Variants in THSD4 observed in about 807,000 individuals in gnomAD.
THSD4 encodes thrombospondin type-1 domain-containing protein 4.
A neutral mutation model predicts 119.0 loss-of-function variants in THSD4; 69 were observed. The ratio of observed to expected loss-of-function variants is 0.58; its 90% CI spans 0.48 to 0.71. The LOEUF (loss-of-function observed/expected upper bound fraction) is 0.71, where lower values mean the gene tolerates loss of function less well. THSD4 is among the 30% of genes least tolerant of loss of function. The probability of loss-of-function intolerance (pLI) is 0.00; values close to 1 mark genes in which losing one functional copy is unlikely to be tolerated. For missense variants in THSD4, 1,393 were observed against 1,391.1 expected, an observed-to-expected ratio of 1.00 and a Z score of -0.02; for synonymous variants, 524 against 540.4, an observed-to-expected ratio of 0.97 and a Z score of 0.42.
intron 3 of THSD4, among the ~76,000 whole-genome samples, chr15:71,199,254 G>A (rs980310111): frequency 3.3e-5 from 5 of 151,888 alleles, no homozygotes; most frequent in African/African-American, 7.3e-5. Context: ...TTCAGTTTCC[G>A]TCCCCTTCCT....
intron 1 of THSD4, among the ~76,000 whole-genome samples, chr15:71,126,561 C>T (rs1376881810): frequency 6.6e-6 from 1 of 152,206 alleles, no homozygotes; most frequent in Admixed American, 6.5e-5. Context: ...GAAAATCACT[C>T]ATCACACTGA....
chr15:71,112,115 C>T (rs765115529), upstream of THSD4: 5 of 1,613,302 alleles, frequency 3.1e-6, no homozygotes, highest in Non-Finnish European at 4.2e-6. Flanking sequence ...CAGCAGTGAG[C>T]CATTCATTCC....
At chr15:71,716,827 T>G (rs932128748) in intron 8 of THSD4, among the ~76,000 whole-genome samples, 5 of 152,178 alleles carry the variant, frequency 3.3e-5, no homozygotes, top group Admixed American at 6.5e-5. Flanking sequence ...TCATGTGTTC[T>G]GGTCACTCAC....
At chr15:71,480,342 T>C (rs569551223) in intron 7 of THSD4, among the ~76,000 whole-genome samples, 1 of 152,362 alleles carries the variant, frequency 6.6e-6, no homozygotes, top group East Asian at 1.9e-4. Flanking sequence ...CCCGCCACTT[T>C]TTTTGTTAAT....
At chr15:71,264,095 G>A (rs969436494) in intron 6 of THSD4, among the ~76,000 whole-genome samples, 1 of 152,230 alleles carries the variant, frequency 6.6e-6, no homozygotes, top group African/African-American at 2.4e-5. Flanking sequence ...CCATGGTGGG[G>A]CATGATGGGG....
At chr15:71,347,405 C>A (rs1022044476) in intron 6 of THSD4, among the ~76,000 whole-genome samples, 1 of 152,182 alleles carries the variant, frequency 6.6e-6, no homozygotes, top group Non-Finnish European at 1.5e-5. Flanking sequence ...TTGCCCTGGG[C>A]CACTGCCAGA....
At chr15:71,212,458 A>G (rs59186425) in intron 3 of THSD4, among the ~76,000 whole-genome samples, 3,552 of 152,338 alleles carry the variant, frequency 0.023, 150 homozygotes, top group African/African-American at 0.079. Context: ...GTATAGCTGT[A>G]TGTCTAATCC....
intron 7 of THSD4, among the ~76,000 whole-genome samples, chr15:71,469,455 T>A (rs1352159731): frequency 6.6e-6 from 1 of 152,164 alleles, no homozygotes; most frequent in East Asian, 1.9e-4. Context: ...AATGCGAGAA[T>A]GTCCGTGGCC....
At chr15:71,742,560 C>T (rs551441367) in intron 11 of THSD4, among the ~76,000 whole-genome samples, 15 of 152,290 alleles carry the variant, frequency 9.8e-5, no homozygotes, top group East Asian at 9.6e-4. Flanking sequence ...ATAAGGCAAC[C>T]GAACTGATCT....
chr15:71,348,677 T>C (rs1398318707), intron 6 of THSD4, among the ~76,000 whole-genome samples: 4 of 152,256 alleles, frequency 2.6e-5, no homozygotes, highest in South Asian at 2.1e-4. Flanking sequence ...TTAAAACTTA[T>C]GCTTCCCAAT....
intron 7 of THSD4, among the ~76,000 whole-genome samples, chr15:71,566,006 C>T (rs1380006168): frequency 1.3e-5 from 2 of 152,154 alleles, no homozygotes; most frequent in Non-Finnish European, 2.9e-5. Context: ...TGAAAGGGCA[C>T]TCCAAGTGCA....
intron 7 of THSD4, among the ~76,000 whole-genome samples, chr15:71,556,379 G>A (rs1304371947): frequency 2.1e-5 from 1 of 46,738 alleles, no homozygotes; most frequent in Non-Finnish European, 4.7e-5. Context: ...TTAATCCTAG[G>A]TTCCTTATTT....
At chr15:71,275,364 A>G (rs2044577721) in intron 6 of THSD4, among the ~76,000 whole-genome samples, 2 of 152,192 alleles carry the variant, frequency 1.3e-5, no homozygotes, top group African/African-American at 4.8e-5. Flanking sequence ...AATCTCTTGT[A>G]GCACAGTTCT....
At chr15:71,109,037 G>A (rs1269621282) in intron 1 of THSD4, among the ~76,000 whole-genome samples, 1 of 151,874 alleles carries the variant, frequency 6.6e-6, no homozygotes, top group Non-Finnish European at 1.5e-5. Context: ...AAAACAAAAA[G>A]AGAAAATACT....
intron 7 of THSD4, among the ~76,000 whole-genome samples, chr15:71,621,496 GA>G (rs1012355747): frequency 1.3e-4 from 20 of 150,484 alleles, no homozygotes; most frequent in South Asian, 2.1e-4. Flanking sequence ...GCATTTTGGA[GA>G]AAAAAAAAGG....
chr15:71,193,199 G>T (rs758175068), intron 3 of THSD4, among the ~76,000 whole-genome samples: 52 of 152,096 alleles, frequency 3.4e-4, no homozygotes, highest in Admixed American at 2.0e-4. Context: ...TGCTGTTATT[G>T]TCTGGGGTTT....
chr15:71,197,879 T>A (rs1485880706), intron 3 of THSD4, among the ~76,000 whole-genome samples: 1 of 148,602 alleles, frequency 6.7e-6, no homozygotes, highest in Non-Finnish European at 1.5e-5. Context: ...TGTTTGGCAC[T>A]CTTGGGTGAT....
Position 71,731,180 on chromosome 15 carries a change from C to T in THSD4, c.1593C>T (p.Asn531=), listed in dbSNP as rs376167639. ...ACGAGTACGTGATCATGGGGACCAA[C>T]GCCATCAGCCCCCAGGTGCCACCCC... ...VHYEYVIMGT[N]AISPQVPPHR... Residue 531 remains asparagine, a synonymous_variant, in exon 10 of 18, where the codon AAC becomes AAT. Coordinates refer to ENST00000261862, the MANE Select transcript of THSD4 (RefSeq NM_024817.3). 4.5e-5 allele frequency: 72 copies of T among 1,614,108 alleles called. No individual in the cohort carries two copies. The highest frequency in any genetic ancestry group is 5.8e-5 in the Non-Finnish European group (68 of 1,180,034).
chr15:71,166,684 G>C (rs2043297794), intron 3 of THSD4, among the ~76,000 whole-genome samples: 1 of 152,066 alleles, frequency 6.6e-6, no homozygotes, highest in South Asian at 2.1e-4. Context: ...AAATTTTGTT[G>C]CTCCCCCGGT....
Sources: allele counts gnomAD v4.1 joint callset (sites outside exome capture counted in the v4.1 genomes callset), GRCh38; gene constraint gnomAD v4.1.1; transcripts MANE v1.5; gene names NCBI Gene and HGNC (gene_info 2026-07-23, HGNC 2026-07-21).